Variants in DNAJC6 observed in about 807,000 individuals in gnomAD.
DNAJC6 encodes the protein auxilin.
A neutral mutation model predicts 110.0 loss-of-function variants in DNAJC6; 34 were observed. That is an observed-to-expected ratio of 0.31 (90% CI 0.24 to 0.41). The LOEUF (loss-of-function observed/expected upper bound fraction) is 0.41, where lower values mean the gene tolerates loss of function less well. Ranked by LOEUF, DNAJC6 falls within the 10% of genes least tolerant of loss-of-function variation. The pLI, the probability that DNAJC6 is intolerant of heterozygous loss-of-function variation, is 1.00. For synonymous variants in DNAJC6, 406 were observed against 437.2 expected, an observed-to-expected ratio of 0.93 and a Z score of 0.89; for missense variants, 1,031 against 1,207.8, an observed-to-expected ratio of 0.85 and a Z score of 2.17.
At chr1:65,289,754 AG>A (rs747175989) in intron 1 of DNAJC6, among the ~76,000 whole-genome samples, 12 of 151,820 alleles carry the variant, frequency 7.9e-5, no homozygotes, top group Non-Finnish European at 1.5e-4. Context: ...ACTAAGGCAG[AG>A]GGGAAGTGCT....
rs780040031 is a variant in DNAJC6 at position 65,406,127 on chromosome 1, A to G, written c.2485A>G (p.Asn829Asp). The change falls in exon 16 of 19, where the codon AAT becomes GAT. Residue 829 changes from asparagine to aspartate, a missense_variant. Coordinates refer to ENST00000371069, the MANE Select transcript of DNAJC6 (RefSeq NM_001256864.2). ...GQNERGKGSS[N>D]LEGKQKAADF... ...GAACGAACGTGGGAAAGGATCAAGT[A>G]ATTTGGGTAAGGATAATGGTATGGG... The G allele has an allele frequency of 1.9e-6, 3 of 1,613,466 alleles. No individual in the cohort carries two copies. Among genetic ancestry groups the G allele is most frequent in the African/African-American group, 1.3e-5 (1 of 74,910 alleles).
At chr1:65,326,629 C>A (rs1231039605) in intron 1 of DNAJC6, among the ~76,000 whole-genome samples, 1 of 152,152 alleles carries the variant, frequency 6.6e-6, no homozygotes, top group Non-Finnish European at 1.5e-5. Flanking sequence ...ACCTGGTACC[C>A]CAGAAGTGAG....
intron 1 of DNAJC6, among the ~76,000 whole-genome samples, chr1:65,328,482 G>C (rs1259229762): frequency 1.3e-5 from 2 of 152,256 alleles, no homozygotes; most frequent in East Asian, 1.9e-4. Flanking sequence ...ACATTGATTC[G>C]TTCCACCTCA....
At chr1:65,295,168 T>G (rs1438294299) in intron 1 of DNAJC6, among the ~76,000 whole-genome samples, 1 of 152,162 alleles carries the variant, frequency 6.6e-6, no homozygotes, top group Non-Finnish European at 1.5e-5. Context: ...CTGAATTAAC[T>G]AAATTGAAAA....
At chr1:65,323,865 A>G (rs758043892) in intron 1 of DNAJC6, among the ~76,000 whole-genome samples, 17 of 152,158 alleles carry the variant, frequency 1.1e-4, no homozygotes, top group Admixed American at 2.0e-4. Flanking sequence ...TGCTGGGATT[A>G]CAGACATTAT....
At position 65,366,204 on chromosome 1, in the gene DNAJC6, T is replaced by C. The variant is rs1256165314; in HGVS notation, c.543+8T>C. On this transcript the variant is annotated splice_region_variant and intron_variant, in intron 4 of 18. Coordinates refer to ENST00000371069, the MANE Select transcript of DNAJC6 (RefSeq NM_001256864.2). ...GCCAAGTTTCACAGCCGGGTAAGGATTTTTAGCCCTGAGATCATACTGTTG... is the reference window on the plus strand; with the variant it reads ...GCCAAGTTTCACAGCCGGGTAAGGACTTTTAGCCCTGAGATCATACTGTTG... 6.2e-7 allele frequency: 1 copy of C among 1,613,224 alleles called. No homozygotes were observed.
chr1:65,284,586 G>A (rs1653953955), intron 1 of DNAJC6, among the ~76,000 whole-genome samples: 2 of 152,078 alleles, frequency 1.3e-5, no homozygotes, highest in African/African-American at 2.4e-5. Flanking sequence ...ATTCAGAGAC[G>A]GCTGCCTCAG....
intron 1 of DNAJC6, among the ~76,000 whole-genome samples, chr1:65,341,182 T>C (rs1357809339): frequency 6.6e-6 from 1 of 152,192 alleles, no homozygotes; most frequent in Non-Finnish European, 1.5e-5. Flanking sequence ...CTGGTGAAGA[T>C]GTGAAGACCG....
At chr1:65,269,220 G>A (rs1653428598) in intron 1 of DNAJC6, among the ~76,000 whole-genome samples, 1 of 151,900 alleles carries the variant, frequency 6.6e-6, no homozygotes, top group Admixed American at 6.6e-5. Flanking sequence ...ATACAGAAAT[G>A]AGCCGGGCAT....
At chr1:65,311,568 T>A (rs1009778697) in intron 1 of DNAJC6, among the ~76,000 whole-genome samples, 41 of 152,168 alleles carry the variant, frequency 2.7e-4, no homozygotes, top group Non-Finnish European at 1.3e-4. Context: ...CAATGTATGT[T>A]TTTTCAAATC....
At chr1:65,405,618 A>C (rs1381802573) in intron 15 of DNAJC6, among the ~76,000 whole-genome samples, 1 of 152,118 alleles carries the variant, frequency 6.6e-6, no homozygotes, top group Non-Finnish European at 1.5e-5. Flanking sequence ...GAGAAAAATC[A>C]CTTAACTGCT....
chr1:65,365,244 G>T (rs1475981450), intron 2 of DNAJC6, among the ~76,000 whole-genome samples: 1 of 152,000 alleles, frequency 6.6e-6, no homozygotes, highest in African/African-American at 2.4e-5. Flanking sequence ...TTTCCTACTA[G>T]CCCTTTAACA....
In DNAJC6 at chr1:65,412,841, G is replaced by GC. The variant is rs201628122; in HGVS notation, c.2812-80dup. 2.2e-5 allele frequency: 24 copies of GC among 1,111,732 alleles called. No individual in the cohort carries two copies. In the East Asian group the frequency reaches 5.7e-4, roughly 26 times the overall value. The allele number at this position is 1,111,732 out of a possible 1,614,324, so 68.9% of individuals were successfully genotyped here. ...TAGAAAAACATTTCCATTGCTTAGA[G>GC]CCCATATATTGGCAGTGAAAAATTT... On this transcript the variant is annotated intron_variant, in intron 18 of 18. Transcript: ENST00000371069.
In DNAJC6 at chr1:65,389,380, A is replaced by C; in HGVS notation, c.1318A>C (p.Thr440Pro). 6.2e-7 allele frequency: 1 copy of C among 1,614,194 alleles called. No homozygotes were observed. The highest frequency in any genetic ancestry group is 2.2e-5 in the East Asian group (1 of 44,876). Residue 440 changes from threonine (T) to proline (P), a missense_variant, in exon 10 of 19, where the codon ACA (threonine) becomes CCA (proline). Transcript: ENST00000371069. ...AACTCCACCATGGGAACATTACTGC[A>C]CAAAAGATGTCAATCCCAGCATCCT... ...DLTPPWEHYCTKDVNPSILFS... is the reference protein window; with the variant it reads ...DLTPPWEHYCPKDVNPSILFS...
intron 1 of DNAJC6, among the ~76,000 whole-genome samples, chr1:65,319,064 G>T (rs758166000): frequency 2.0e-5 from 3 of 152,152 alleles, no homozygotes; most frequent in Non-Finnish European, 4.4e-5. Flanking sequence ...GAAAAAGTCA[G>T]CCTGGGGAAG....
Position 65,411,446 on chromosome 1 carries a change from T to C in DNAJC6, c.2811+20T>C, listed in dbSNP as rs376451200. The C allele has an allele frequency of 1.2e-6, 2 of 1,601,566 alleles. No homozygotes were observed. The highest frequency in any genetic ancestry group is 2.7e-5 in the African/African-American group (2 of 74,702). ...GATAAAGTGGGTATAACCTGCCCTG[T>C]TGTGTAACTTGTCAGGTCCTTGCTT... On this transcript the variant is annotated intron_variant, in intron 18 of 18. Coordinates refer to ENST00000371069, the MANE Select transcript of DNAJC6 (RefSeq NM_001256864.2).
chr1:65,309,874 C>CG lies in DNAJC6; in HGVS notation c.133dup (p.Ala45GlyfsTer37). ...TTGGCGGCAAGCAGAGAGTGAACGC[C>CG]GGGGCAGCGGCGCGGAGTCCCGCCC... On this transcript the variant is annotated frameshift_variant, in exon 1 of 19. Transcript: ENST00000371069. LOFTEE classifies it high-confidence loss of function. The CG allele has an allele frequency of 1.3e-6, 2 of 1,546,806 alleles. No individual in the cohort carries two copies. The highest frequency in any genetic ancestry group is 1.7e-6 in the Non-Finnish European group (2 of 1,145,194).
chr1:65,408,360 C>T (rs1646096379), intron 16 of DNAJC6, among the ~76,000 whole-genome samples: 1 of 152,164 alleles, frequency 6.6e-6, no homozygotes, highest in Non-Finnish European at 1.5e-5. Context: ...TGAGTATCCT[C>T]ATCTAAAGAG....
chr1:65,411,999 G>A (rs1034266102), intron 18 of DNAJC6, among the ~76,000 whole-genome samples: 2 of 152,064 alleles, frequency 1.3e-5, no homozygotes, highest in African/African-American at 4.8e-5. Flanking sequence ...AGTAAATTGT[G>A]TCCTGGCTTA....
Sources: gnomAD v4.1 joint callset for allele counts (sites outside exome capture counted in the v4.1 genomes callset) on GRCh38, gnomAD v4.1.1 for gene constraint, MANE v1.5 for transcripts, NCBI Gene and HGNC (gene_info 2026-07-23, HGNC 2026-07-21) for gene names.